ZNF385D: variants seen among roughly 807,000 people sequenced by gnomAD.
The protein encoded by ZNF385D is zinc finger protein 385D.
Under a neutral mutation model 35.8 loss-of-function variants are expected in ZNF385D, and 15 were observed. The observed-to-expected ratio is 0.42, with a 90% CI of 0.28 to 0.64. The LOEUF is 0.64. Among genes scored for constraint, ZNF385D ranks in the 30% least tolerant of loss-of-function variants. ZNF385D has a pLI of 0.23. For synonymous variants in ZNF385D, 212 were observed against 186.8 expected, an observed-to-expected ratio of 1.13 and a Z score of -1.10; for missense variants, 474 against 494.6, an observed-to-expected ratio of 0.96 and a Z score of 0.39.
At chr3:22,083,946 G>T (rs982868356) in intron 3 of ZNF385D, among the ~76,000 whole-genome samples, 16 of 152,166 alleles carry the variant, frequency 1.1e-4, no homozygotes, top group Non-Finnish European at 2.1e-4. Context: ...TTAAAGAAAA[G>T]AATTTTCAAC....
rs142123912 is a variant in ZNF385D, at chr3:21,707,176, T to C, written c.23-42148A>G. On this transcript the variant is annotated intron_variant, in intron 1 of 7. Coordinates refer to ENST00000281523, the MANE Select transcript of ZNF385D (RefSeq NM_024697.3). ...AAAAGGATGCTTAGTTAAATAGTTA[T>C]TATTCTTTTTTAATAACTCCTATTT... Among the ~76,000 whole-genome samples, 231 of 152,296 alleles carry C rather than the reference T, an allele frequency of 1.5e-3. 3 individuals are homozygous for C. Among genetic ancestry groups the C allele is most frequent in the African/African-American group, 5.2e-3 (215 of 41,572 alleles).
At chr3:22,276,008 C>T (rs1235283983) in intron 2 of ZNF385D, among the ~76,000 whole-genome samples, 1 of 152,062 alleles carries the variant, frequency 6.6e-6, no homozygotes, top group Non-Finnish European at 1.5e-5. Flanking sequence ...TCACTTGAAC[C>T]CAGGAAGTGG....
intron 2 of ZNF385D, among the ~76,000 whole-genome samples, chr3:22,334,174 G>T (rs1695061959): frequency 6.6e-6 from 1 of 151,894 alleles, no homozygotes; most frequent in Admixed American, 6.6e-5. Flanking sequence ...ATATATTTAG[G>T]CTTTAAGCAA....
intron 3 of ZNF385D, among the ~76,000 whole-genome samples, chr3:21,937,533 G>A (rs1253004106): frequency 6.6e-6 from 1 of 152,094 alleles, no homozygotes; most frequent in Non-Finnish European, 1.5e-5. Context: ...TGTTAATGAT[G>A]ATGAGGTGTC....
intron 2 of ZNF385D, among the ~76,000 whole-genome samples, chr3:22,315,332 G>T (rs1421064387): frequency 6.6e-6 from 1 of 152,134 alleles, no homozygotes; most frequent in Non-Finnish European, 1.5e-5. Context: ...AGGCAGAGAT[G>T]AACATGGAGA....
chr3:22,118,445 A>G (rs751833398), intron 3 of ZNF385D, among the ~76,000 whole-genome samples: 1 of 152,092 alleles, frequency 6.6e-6, no homozygotes, highest in Non-Finnish European at 1.5e-5. Flanking sequence ...TGAGGGAGGG[A>G]GTGAAAACAT....
intron 2 of ZNF385D, among the ~76,000 whole-genome samples, chr3:22,298,305 A>G (rs1559505728): frequency 6.6e-6 from 1 of 151,266 alleles, no homozygotes; most frequent in Non-Finnish European, 1.5e-5. Flanking sequence ...TCCATTTAAA[A>G]CAAAGTGAGG....
At chr3:22,247,930 G>C (rs1420702037) in intron 2 of ZNF385D, among the ~76,000 whole-genome samples, 2 of 152,026 alleles carry the variant, frequency 1.3e-5, no homozygotes, top group Non-Finnish European at 2.9e-5. Flanking sequence ...CAGTTTGCAA[G>C]GCAGATTTCC....
chr3:21,519,877 G>C (rs1575096000), intron 3 of ZNF385D, among the ~76,000 whole-genome samples: 1 of 152,166 alleles, frequency 6.6e-6, no homozygotes, highest in Non-Finnish European at 1.5e-5. Context: ...GGAAGAATTA[G>C]AAATGTTCAC....
intron 3 of ZNF385D, among the ~76,000 whole-genome samples, chr3:21,522,889 A>G (rs946352611): frequency 2.0e-5 from 3 of 152,210 alleles, no homozygotes; most frequent in African/African-American, 7.2e-5. Flanking sequence ...GTTCTAATCC[A>G]AAGAGTTTAG....
At chr3:22,181,832 T>C (rs2125780356) in intron 2 of ZNF385D, among the ~76,000 whole-genome samples, 1 of 152,338 alleles carries the variant, frequency 6.6e-6, no homozygotes, top group South Asian at 2.1e-4. Context: ...CAAAGCTTTT[T>C]CATGTTGTCT....
intron 2 of ZNF385D, among the ~76,000 whole-genome samples, chr3:21,660,953 G>A (rs2066221108): frequency 6.6e-6 from 1 of 152,156 alleles, no homozygotes; most frequent in Non-Finnish European, 1.5e-5. Flanking sequence ...CCCAGAGACT[G>A]GAAGCCTGAG....
At chr3:21,834,896 C>T (rs930425031) in intron 3 of ZNF385D, among the ~76,000 whole-genome samples, 10 of 152,056 alleles carry the variant, frequency 6.6e-5, no homozygotes, top group Non-Finnish European at 1.5e-4. Flanking sequence ...TCACCTTCCA[C>T]CATGATAGTA....
At chr3:22,083,525 T>C (rs1700870127) in intron 3 of ZNF385D, among the ~76,000 whole-genome samples, 1 of 151,738 alleles carries the variant, frequency 6.6e-6, no homozygotes, top group African/African-American at 2.4e-5. Flanking sequence ...GAAGAGAAGT[T>C]TAGAGAAAAA....
intron 1 of ZNF385D, among the ~76,000 whole-genome samples, chr3:21,679,709 G>A (rs932678241): frequency 2.6e-5 from 4 of 152,058 alleles, no homozygotes; most frequent in Admixed American, 6.6e-5. Flanking sequence ...TGGAAGGAAG[G>A]AGGTTTGGAG....
At chr3:21,818,495 T>C (rs1382907879) in intron 3 of ZNF385D, among the ~76,000 whole-genome samples, 1 of 152,202 alleles carries the variant, frequency 6.6e-6, no homozygotes. Context: ...ATTTGGGTGT[T>C]ATCATAATAG....
At chr3:22,061,404 T>C (rs1699679651) in intron 3 of ZNF385D, among the ~76,000 whole-genome samples, 1 of 152,198 alleles carries the variant, frequency 6.6e-6, no homozygotes, top group African/African-American at 2.4e-5. Context: ...TACCCCTAGA[T>C]TACTGTACCC....
intron 3 of ZNF385D, among the ~76,000 whole-genome samples, chr3:22,034,526 GA>G (rs1698197493): frequency 6.6e-6 from 1 of 152,098 alleles, no homozygotes; most frequent in Non-Finnish European, 1.5e-5. Context: ...ATTCTTTACA[GA>G]AAGCAATTTA....
intron 3 of ZNF385D, among the ~76,000 whole-genome samples, chr3:22,145,484 A>G (rs1233061072): frequency 6.6e-6 from 1 of 152,224 alleles, no homozygotes; most frequent in Non-Finnish European, 1.5e-5. Flanking sequence ...CTCTTTGCCT[A>G]TGAAGGCAAT....
Sources: gnomAD v4.1 joint callset for allele counts (sites outside exome capture counted in the v4.1 genomes callset) on GRCh38, gnomAD v4.1.1 for gene constraint, MANE v1.5 for transcripts, NCBI Gene and HGNC (gene_info 2026-07-23, HGNC 2026-07-21) for gene names.